Variants in SCN1A observed in about 807,000 individuals in gnomAD.
SCN1A encodes the protein sodium voltage-gated channel alpha subunit 1.
A neutral mutation model predicts 193.7 loss-of-function variants in SCN1A; 13 were observed. That is an observed-to-expected ratio of 0.07 (90% CI 0.04 to 0.11). The LOEUF (loss-of-function observed/expected upper bound fraction) is 0.11. Ranked by LOEUF, SCN1A falls within the 10% of genes least tolerant of loss-of-function variation. The pLI, the probability that SCN1A is intolerant of heterozygous loss-of-function variation, is 1.00. For synonymous variants in SCN1A, 781 were observed against 843.6 expected, an observed-to-expected ratio of 0.93 and a Z score of 1.29; for missense variants, 1,432 against 2,451.1, an observed-to-expected ratio of 0.58 and a Z score of 8.78.
chr2:166,096,162 A>C (rs972598969), intron 2 of SCN1A, among the ~76,000 whole-genome samples: 2 of 152,230 alleles, frequency 1.3e-5, no homozygotes, highest in African/African-American at 2.4e-5. Flanking sequence ...GACTCCACAG[A>C]AGACTTTTGA....
intron 16 of SCN1A, among the ~76,000 whole-genome samples, chr2:166,040,219 A>G (rs1474828412): frequency 6.6e-6 from 1 of 152,116 alleles, no homozygotes; most frequent in Non-Finnish European, 1.5e-5. Flanking sequence ...CGCCCAGCCC[A>G]AGTCATCTAT....
rs76840250 is a variant in SCN1A, at chr2:166,070,938, G to A, written c.264+2420C>T. On this transcript the variant is annotated intron_variant, in intron 4 of 28. Coordinates refer to ENST00000674923, the MANE Select transcript of SCN1A (RefSeq NM_001165963.4). Reference sequence around the variant, plus strand: ...TTCCCTGTTTGATTAAGGGATAGATGCTGGGTGGCTTTAATAATTTTTAGA... The same window carrying A: ...TTCCCTGTTTGATTAAGGGATAGATACTGGGTGGCTTTAATAATTTTTAGA... Among the ~76,000 whole-genome samples, 1,036 of 152,296 alleles carry A rather than the reference G, an allele frequency of 6.8e-3. 10 individuals carry two copies. The highest frequency in any genetic ancestry group is 0.052 in the East Asian group (267 of 5,174).
chr2:166,045,153 C>T lies in SCN1A; in HGVS notation c.1552G>A (p.Asp518Asn). Reference protein sequence around the residue: ...EQSGGEEKDEDEFQKSESEDS... With the variant: ...EQSGGEEKDENEFQKSESEDS... ...TCAGATTCAGATTTTTGGAATTCAT[C>T]CTCATCTTTCTCTTCCCCACCAGAC... Residue 518 changes from aspartate to asparagine, a missense_variant, in exon 13 of 29, where the codon GAT (aspartate) becomes AAT (asparagine). Physicochemically the swap from Asp to Asn is conservative, Grantham distance 23. This residue lies in a region of SCN1A where 316 missense variants were observed against 362.1 expected (regional missense o/e 0.87). Coordinates refer to ENST00000674923, the MANE Select transcript of SCN1A (RefSeq NM_001165963.4). The T allele has an allele frequency of 6.2e-7, 1 of 1,614,124 alleles. No homozygotes were observed.
chr2:166,067,781 A>G (rs1040618943), intron 4 of SCN1A, among the ~76,000 whole-genome samples: 13 of 135,514 alleles, frequency 9.6e-5, no homozygotes. Flanking sequence ...TCTCTGCCCC[A>G]CTGTCTTCCC....
At chr2:166,027,121 AC>A (rs1201784589) in intron 19 of SCN1A, 2 of 152,148 alleles carry the variant, frequency 1.3e-5, no homozygotes, top group Non-Finnish European at 1.5e-5. Context: ...TGGCAGGCTG[AC>A]TTAATATGTG....
intron 6 of SCN1A, among the ~76,000 whole-genome samples, 186 bp downstream of exon 6, chr2:166,056,225 A>C (rs560024537): frequency 6.6e-6 from 1 of 152,160 alleles, no homozygotes; most frequent in South Asian, 2.1e-4. Context: ...GTACAGGCAA[A>C]AGAGAGTGAT....
intron 2 of SCN1A, among the ~76,000 whole-genome samples, chr2:166,083,028 T>C (rs1479638540): frequency 1.3e-5 from 2 of 152,086 alleles, no homozygotes; most frequent in Non-Finnish European, 2.9e-5. Context: ...AGAATGTTAC[T>C]GCCAATAATA....
At chr2:166,143,614 T>G (rs546555370) in intron 1 of SCN1A, among the ~76,000 whole-genome samples, 22 of 152,354 alleles carry the variant, frequency 1.4e-4, no homozygotes, top group African/African-American at 5.3e-4. Context: ...CTATTAAATC[T>G]AATCATCTTG....
At chr2:166,075,218 T>C (rs1166164531) in intron 3 of SCN1A, 1 of 152,118 alleles carries the variant, frequency 6.6e-6, no homozygotes, top group East Asian at 1.9e-4. Flanking sequence ...AAAATATATG[T>C]AAATGATATA....
At chr2:166,034,389 T>A (rs1226606944) in intron 19 of SCN1A, among the ~76,000 whole-genome samples, 1 of 152,228 alleles carries the variant, frequency 6.6e-6, no homozygotes, top group African/African-American at 2.4e-5. Context: ...GAATGTCACA[T>A]ACCTGTGGTA....
At position 166,046,907 on chromosome 2, in the gene SCN1A, G is replaced by A. The variant is rs1330025518; in HGVS notation, c.1240C>T (p.Leu414=). 6.2e-7 allele frequency: 1 copy of A among 1,613,906 alleles called. No individual in the cohort carries two copies. The highest frequency in any genetic ancestry group is 1.7e-5 in the Admixed American group (1 of 59,990). Residue 414 remains leucine (L), a synonymous_variant, in exon 12 of 29, where the codon CTA becomes TTA. Transcript: ENST00000674923. ...ACCACAGCCAGGATCAAATTTATTA[G>A]GTAGAATGAGCCCAAGAAAATGACC... is the stretch of plus-strand genomic sequence containing the variant. ...VLVIFLGSFY[L]INLILAVVAM...
At chr2:166,107,381 G>A (rs912653438) in intron 2 of SCN1A, among the ~76,000 whole-genome samples, 1 of 152,004 alleles carries the variant, frequency 6.6e-6, no homozygotes, top group African/African-American at 2.4e-5. Context: ...AATAGTTGCT[G>A]AATTAATTAA....
intron 2 of SCN1A, among the ~76,000 whole-genome samples, chr2:166,086,096 G>C (rs1288066371): frequency 5.3e-5 from 8 of 152,068 alleles, no homozygotes; most frequent in Admixed American, 5.2e-4. Flanking sequence ...TGGCCAAAAG[G>C]ATCCCAGAGT....
At chr2:166,024,588 T>C (rs1401503040) in intron 19 of SCN1A, among the ~76,000 whole-genome samples, 2 of 152,252 alleles carry the variant, frequency 1.3e-5, no homozygotes, top group Non-Finnish European at 2.9e-5. Context: ...ATTAACTTAT[T>C]TGATAACAAT....
chr2:166,138,958 G>T (rs567895356), intron 1 of SCN1A, among the ~76,000 whole-genome samples: 192 of 152,298 alleles, frequency 1.3e-3, no homozygotes, highest in African/African-American at 4.4e-3. Flanking sequence ...TGGAATCAAA[G>T]ATCATTTTGG....
intron 19 of SCN1A, among the ~76,000 whole-genome samples, chr2:166,024,969 T>C (rs978705171): frequency 6.6e-6 from 1 of 152,250 alleles, no homozygotes; most frequent in South Asian, 2.1e-4. Flanking sequence ...CCTATTTTTC[T>C]ATTGGAGTAT....
At chr2:165,996,880 A>G (rs1690142357) in intron 26 of SCN1A, among the ~76,000 whole-genome samples, 1 of 151,510 alleles carries the variant, frequency 6.6e-6, no homozygotes, top group South Asian at 2.1e-4. Context: ...CAAATGGCCA[A>G]TGAGCATTTA....
At chr2:166,091,381 T>G (rs888494556) in intron 2 of SCN1A, among the ~76,000 whole-genome samples, 18 of 152,228 alleles carry the variant, frequency 1.2e-4, no homozygotes, top group African/African-American at 4.3e-4. Context: ...TTTAAATCTT[T>G]TTAACTATCT....
rs372840031 is a variant in SCN1A, at chr2:166,046,984, CAA to C, written c.1171-10_1171-9del. 0.038 allele frequency: 61,633 copies of C among 1,612,376 alleles called. 1,340 individuals carry two copies. Among genetic ancestry groups the C allele is most frequent in the Non-Finnish European group, 0.046 (53,877 of 1,178,554 alleles). On this transcript the variant is annotated splice_polypyrimidine_tract_variant and intron_variant, in intron 11 of 28. Coordinates refer to ENST00000674923, the MANE Select transcript of SCN1A (RefSeq NM_001165963.4). ...CCCAGCAGCACGTAATGTCTGCAAA[CAA>C]AAATATCAGAATTATTTCTCAATAT...
Sources: allele counts gnomAD v4.1 joint callset (sites outside exome capture counted in the v4.1 genomes callset), GRCh38; gene constraint gnomAD v4.1.1; regional missense constraint gnomAD v4.1.1; transcripts MANE v1.5; gene names NCBI Gene and HGNC (gene_info 2026-07-23, HGNC 2026-07-21).